The following ESRRB variants were observed in gnomAD, a reference collection of about 807,000 sequenced individuals.
ESRRB encodes the protein steroid hormone receptor ERR2.
ESRRB carries 16 observed loss-of-function variants against 46.0 expected under a neutral mutation model. The observed-to-expected ratio is 0.35, with a 90% CI of 0.24 to 0.53. The LOEUF is 0.53. Among genes scored for constraint, ESRRB ranks in the 20% least tolerant of loss-of-function variants. ESRRB has a pLI of 0.93. For synonymous variants in ESRRB, 246 were observed against 259.6 expected (o/e 0.95, Z 0.50); for missense variants, 488 against 607.4 (o/e 0.80, Z 2.07).
rs148714720 is a variant in ESRRB, at chr14:76,314,128, GA to G, written c.2+3222del. On this transcript the variant is annotated intron_variant, in intron 1 of 6. Transcript: ENST00000512784. ...AGTTAAAACCCCTCAGGGCTGTTGG[GA>G]AAAAAAAAATTAAACCAGTTAAGCC... 5.0e-3 allele frequency among the ~76,000 whole-genome samples: 746 copies of G among 150,308 alleles called. 6 individuals carry two copies. The highest frequency in any genetic ancestry group is 0.017 in the African/African-American group (691 of 41,078).
At chr14:76,339,500 C>A (rs1595049289) in intron 1 of ESRRB, among the ~76,000 whole-genome samples, 1 of 152,206 alleles carries the variant, frequency 6.6e-6, no homozygotes, top group East Asian at 1.9e-4. Context: ...GGCTCCACCT[C>A]AGATGTGTGT....
At position 76,466,557 on chromosome 14, in the gene ESRRB, G is replaced by A. The variant is rs552750244; in HGVS notation, c.577+3896G>A. 2.0e-5 allele frequency among the ~76,000 whole-genome samples: 3 copies of A among 152,158 alleles called. 1 individual carries two copies. In the South Asian group the frequency reaches 6.2e-4, roughly 32 times the overall value. On this transcript the variant is annotated intron_variant, in intron 3 of 6. Transcript: ENST00000644823. The stretch of plus-strand genomic sequence containing the variant: ...GAGCAGACCATGGAAAACAGGAGCT[G>A]TCCAAAGGCCTATCTTGCTTTAAGC...
At chr14:76,421,569 C>T (rs1011730844) in intron 1 of ESRRB, among the ~76,000 whole-genome samples, 4 of 152,228 alleles carry the variant, frequency 2.6e-5, no homozygotes, top group Non-Finnish European at 5.9e-5. Flanking sequence ...CTTACAACAA[C>T]CAAGTGGAGT....
upstream of ESRRB, among the ~76,000 whole-genome samples, chr14:76,370,058 T>C (rs919985612): frequency 3.3e-5 from 5 of 152,112 alleles, no homozygotes; most frequent in Admixed American, 6.5e-5. Flanking sequence ...TAGAAACAAA[T>C]TGCTTGCATT....
intron 1 of ESRRB, among the ~76,000 whole-genome samples, chr14:76,379,019 G>A (rs1372100622): frequency 1.3e-5 from 2 of 152,156 alleles, no homozygotes; most frequent in Admixed American, 1.3e-4. Flanking sequence ...AGAGTTGAGG[G>A]AGGAGGAACT....
chr14:76,452,351 G>T (rs925968288), intron 2 of ESRRB, among the ~76,000 whole-genome samples: 1 of 152,068 alleles, frequency 6.6e-6, no homozygotes, highest in African/African-American at 2.4e-5. Context: ...TTCAGGCTGG[G>T]CACAGTAGCT....
At chr14:76,318,146 C>T (rs188454018) in intron 1 of ESRRB, among the ~76,000 whole-genome samples, 6 of 152,254 alleles carry the variant, frequency 3.9e-5, no homozygotes, top group Admixed American at 3.3e-4. Flanking sequence ...TTTAATTTTC[C>T]TCCTTCCCCA....
chr14:76,377,315 G>C (rs1163979534), intron 1 of ESRRB, among the ~76,000 whole-genome samples: 6 of 152,164 alleles, frequency 3.9e-5, no homozygotes, highest in Non-Finnish European at 7.3e-5. Flanking sequence ...TGGTCAACCC[G>C]CGTGTCATGT....
chr14:76,412,160 A>G (rs1886471270), intron 1 of ESRRB, among the ~76,000 whole-genome samples: 1 of 152,206 alleles, frequency 6.6e-6, no homozygotes, highest in African/African-American at 2.4e-5. Context: ...ACAAAGAAGA[A>G]CAGACCTCGG....
chr14:76,396,792 C>T (rs927457033), intron 1 of ESRRB, among the ~76,000 whole-genome samples: 7 of 152,304 alleles, frequency 4.6e-5, no homozygotes, highest in Admixed American at 1.3e-4. Context: ...GCTCAACTCC[C>T]GGAGCCAGCG....
Position 76,467,878 on chromosome 14 carries a change from C to T in ESRRB, c.577+5217C>T, listed in dbSNP as rs554408639. On this transcript the variant is annotated intron_variant, in intron 3 of 6. Transcript: ENST00000644823. The stretch of plus-strand genomic sequence containing the variant: ...CCAACTTCACCTCCTCCTCACCTCA[C>T]CTCCCTCACGCGACCGGCCTCCCAA... Among the ~76,000 whole-genome samples, 5 of 152,280 alleles carry T rather than the reference C, an allele frequency of 3.3e-5. No individual in the cohort carries two copies. In the South Asian group the frequency reaches 6.2e-4, roughly 19 times the overall value.
intron 6 of ESRRB, among the ~76,000 whole-genome samples, chr14:76,496,019 G>A (rs1890413347): frequency 1.3e-5 from 2 of 152,208 alleles, no homozygotes; most frequent in African/African-American, 2.4e-5. Context: ...GCCACCTGCT[G>A]GCTGAGTGTC....
intron 1 of ESRRB, among the ~76,000 whole-genome samples, chr14:76,360,154 G>A (rs571658187): frequency 6.6e-6 from 1 of 152,290 alleles, no homozygotes; most frequent in South Asian, 2.1e-4. Flanking sequence ...ATGGCAGGTG[G>A]AGAGTGCCCT....
chr14:76,324,963 C>CTTTTTTT (rs34780208), intron 1 of ESRRB, among the ~76,000 whole-genome samples: 53 of 102,178 alleles, frequency 5.2e-4, no homozygotes, highest in African/African-American at 1.1e-3. Context: ...TTTTCTTTTT[C>CTTTTTTT]TTTTTTTTTT....
intron 1 of ESRRB, among the ~76,000 whole-genome samples, chr14:76,344,785 G>A (rs1475727859): frequency 1.3e-5 from 2 of 151,304 alleles, no homozygotes; most frequent in East Asian, 1.9e-4. Flanking sequence ...CTAGGAGGCG[G>A]AAGTTGCAGT....
At chr14:76,461,401 C>G (rs554967337) in intron 2 of ESRRB, among the ~76,000 whole-genome samples, 1 of 151,436 alleles carries the variant, frequency 6.6e-6, no homozygotes, top group African/African-American at 2.4e-5. Flanking sequence ...CTGCTGGACA[C>G]TGGGGAGCAG....
At chr14:76,310,801 G>T (rs1883719694) in exon 1 of ESRRB, 1 of 454,622 alleles carries the variant, frequency 2.2e-6, no homozygotes, top group Non-Finnish European at 4.4e-6. Flanking sequence ...ACAGACAGGG[G>T]ACTGTCAGCT....
chr14:76,342,339 G>A (rs1740715505), intron 1 of ESRRB, among the ~76,000 whole-genome samples: 1 of 152,182 alleles, frequency 6.6e-6, no homozygotes, highest in Non-Finnish European at 1.5e-5. Context: ...CAGGAAAGAA[G>A]GAACAGCATG....
At chr14:76,418,274 GC>G (rs763905370) in intron 1 of ESRRB, among the ~76,000 whole-genome samples, 2 of 152,058 alleles carry the variant, frequency 1.3e-5, no homozygotes, top group Admixed American at 6.6e-5. Flanking sequence ...TTTTGAAAAA[GC>G]TTTTTAATGA....
Sources: gnomAD v4.1 joint callset for allele counts (sites outside exome capture counted in the v4.1 genomes callset) on GRCh38, gnomAD v4.1.1 for gene constraint, MANE v1.5 for transcripts, NCBI Gene and HGNC (gene_info 2026-07-23, HGNC 2026-07-21) for gene names.